TIAM1: variants seen among roughly 807,000 people sequenced by gnomAD.
TIAM1 encodes TIAM Rac1 associated GEF 1, also known as rho guanine nucleotide exchange factor TIAM1.
In TIAM1, 65 loss-of-function variants were observed where a neutral mutation model predicts 163.5. The observed-to-expected ratio is 0.40, with a 90% CI of 0.33 to 0.49. The LOEUF is 0.49. Among genes scored for constraint, TIAM1 ranks in the 20% least tolerant of loss-of-function variants. The probability of loss-of-function intolerance (pLI) is 0.77; values close to 1 mark genes in which losing one functional copy is unlikely to be tolerated. For missense variants in TIAM1, 1,789 were observed against 2,044.7 expected (o/e 0.87, Z 2.41); for synonymous variants, 833 against 810.1 (o/e 1.03, Z -0.48).
Position 31,153,149 on chromosome 21 carries a change from G to A in TIAM1, c.3172-15C>T. 4 of 1,596,944 alleles carry A rather than the reference G, an allele frequency of 2.5e-6. No homozygotes were observed. The highest frequency in any genetic ancestry group is 2.3e-5 in the South Asian group (2 of 88,160). On this transcript the variant is annotated splice_polypyrimidine_tract_variant and intron_variant, in intron 17 of 27. Transcript: ENST00000541036. ...CAGTTTAAATCCTAAGAATTGAAAA[G>A]AGAACTCATTAGCTTATGTGTTTTA... is the stretch of plus-strand genomic sequence containing the variant.
chr21:31,473,688 G>A (rs2045837455), intron 1 of TIAM1, among the ~76,000 whole-genome samples: 1 of 152,026 alleles, frequency 6.6e-6, no homozygotes, highest in Non-Finnish European at 1.5e-5. Flanking sequence ...AAAGTAGCAG[G>A]AAAGGGGTCC....
chr21:31,313,677 C>T (rs372049459), intron 2 of TIAM1, among the ~76,000 whole-genome samples: 2 of 152,144 alleles, frequency 1.3e-5, no homozygotes, highest in Admixed American at 6.6e-5. Context: ...CAGGTTCAAC[C>T]GATTCTCCTG....
At chr21:31,512,558 C>T (rs563385995) in intron 1 of TIAM1, among the ~76,000 whole-genome samples, 241 of 151,830 alleles carry the variant, frequency 1.6e-3, no homozygotes, top group African/African-American at 5.5e-3. Flanking sequence ...GGAAAACTCC[C>T]GGGACCTTCT....
intron 7 of TIAM1, 59 bp downstream of exon 7, chr21:31,225,667 A>C (rs1279170742): frequency 1.0e-5 from 15 of 1,458,196 alleles, no homozygotes; most frequent in African/African-American, 1.4e-5. Flanking sequence ...AAAAAAAAAA[A>C]AAAACCCTTT....
chr21:31,118,501 A>C lies in TIAM1; in HGVS notation c.*1867T>G, dbSNP rs966254739. On this transcript the variant is annotated 3_prime_UTR_variant, in exon 28 of 28. Coordinates refer to ENST00000541036, the MANE Select transcript of TIAM1 (RefSeq NM_001353694.2). ...AAAACATAAAAATAGACCTTCTTTC[A>C]GCTTATAAAAGAAATATATAAGAAC... The C allele has an allele frequency of 6.7e-6, 3 of 448,418 alleles. No homozygotes were observed. Among genetic ancestry groups the C allele is most frequent in the African/African-American group, 6.2e-5 (3 of 48,414 alleles). 27.8% of individuals were successfully genotyped at this position (448,418 alleles called of 1,614,324 possible). A position where few individuals can be genotyped will look rare whatever the true frequency, so the allele number is the denominator to read the frequency against.
intron 2 of TIAM1, among the ~76,000 whole-genome samples, chr21:31,442,089 A>ATATATATATATATATATATATATAT (rs1555982237): frequency 6.4e-4 from 79 of 123,790 alleles, no homozygotes; most frequent in African/African-American, 1.0e-3. Context: ...ATATATATAG[A>ATATATATATATATATATATATATAT]ACAATAAGGG....
At chr21:31,419,815 T>A (rs2043501001) in intron 2 of TIAM1, among the ~76,000 whole-genome samples, 1 of 151,678 alleles carries the variant, frequency 6.6e-6, no homozygotes, top group African/African-American at 2.4e-5. Context: ...CTTTGGGAGG[T>A]CAAGGCGGGT....
intron 5 of TIAM1, among the ~76,000 whole-genome samples, chr21:31,250,928 C>G (rs2071769047): frequency 6.6e-6 from 1 of 152,190 alleles, no homozygotes; most frequent in African/African-American, 2.4e-5. Flanking sequence ...ATGTCTGTAT[C>G]TATATATACA....
At position 31,120,756 on chromosome 21, in the gene TIAM1, G is replaced by C. The variant is rs2081972065; in HGVS notation, c.4388C>G (p.Ser1463Cys). Reference sequence around the variant, plus strand: ...GGACTCTTTCTCCGGGCTGCTTGCGGAGACGGCATCAGAATCAATGGTAAA... The same window carrying C: ...GGACTCTTTCTCCGGGCTGCTTGCGCAGACGGCATCAGAATCAATGGTAAA... ...NRFTIDSDAV[S>C]ASSPEKESQQ... Residue 1463 changes from serine (S) to cysteine (C), a missense_variant, in exon 28 of 28, where the codon TCC (serine) becomes TGC (cysteine). Around this residue, in one of 5 missense-constraint regions of TIAM1, gnomAD observed 415 missense variants for 439.2 expected, o/e 0.94. Transcript: ENST00000541036. This position sits in a 1 kb window ranked among gnomAD's most constrained non-coding sequence, Gnocchi z 4.2. The C allele has an allele frequency of 1.2e-6, 2 of 1,613,922 alleles. No individual in the cohort carries two copies. The highest frequency in any genetic ancestry group is 1.7e-6 in the Non-Finnish European group (2 of 1,180,048).
chr21:31,355,182 A>G (rs1405844285), intron 2 of TIAM1, among the ~76,000 whole-genome samples: 2 of 152,136 alleles, frequency 1.3e-5, no homozygotes, highest in African/African-American at 4.8e-5. Flanking sequence ...CCAAAAAAAA[A>G]AAAAAAAGGT....
At chr21:31,189,431 T>C (rs899411870) in intron 13 of TIAM1, among the ~76,000 whole-genome samples, 1 of 152,098 alleles carries the variant, frequency 6.6e-6, no homozygotes, top group African/African-American at 2.4e-5. Context: ...AGGACTGCAA[T>C]TGATTATGTA....
At chr21:31,237,029 C>T (rs1293313451) in intron 6 of TIAM1, among the ~76,000 whole-genome samples, 1 of 152,196 alleles carries the variant, frequency 6.6e-6, no homozygotes, top group Non-Finnish European at 1.5e-5. Flanking sequence ...TGGCAAGACT[C>T]ACCAGAAAGA....
chr21:31,243,663 C>A (rs115298778), intron 6 of TIAM1, among the ~76,000 whole-genome samples: 1 of 152,016 alleles, frequency 6.6e-6, no homozygotes, highest in African/African-American at 2.4e-5. Context: ...ATCTGAAAGA[C>A]AATAAATTCC....
In TIAM1 at chr21:31,181,756, CTTTTTTTTTTTTTTTTTTTTTTTTTT is replaced by C. The variant is rs781153297; in HGVS notation, c.2887+639_2887+664del. 4.7e-3 allele frequency among the ~76,000 whole-genome samples: 196 copies of C among 41,344 alleles called. 12 individuals are homozygous for C. The highest frequency in any genetic ancestry group is 0.021 in the East Asian group (41 of 1,970). The allele number at this position is 41,344 out of a possible 152,430, so 27.1% of individuals were successfully genotyped here. Reference sequence around the variant, plus strand: ...CCCAGCACTTCTTCTTCTTCTTCTTCTTTTTTTTTTTTTTTTTTTTTTTTTTTTTTTTTTTTTTTTTTTTTTTTTAC... The same window carrying C: ...CCCAGCACTTCTTCTTCTTCTTCTTCTTTTTTTTTTTTTTTTTTTTTTTAC... On this transcript the variant is annotated intron_variant, in intron 15 of 27. Transcript: ENST00000541036.
At chr21:31,217,743 G>T in intron 8 of TIAM1, 44 bp from the exon 9 acceptor site, 1 of 1,597,672 alleles carries the variant, frequency 6.3e-7, no homozygotes, top group Non-Finnish European at 8.5e-7. Context: ...GATGCATCAG[G>T]ACCACCCACT....
chr21:31,353,931 T>C (rs2076276512), intron 2 of TIAM1, among the ~76,000 whole-genome samples: 1 of 140,072 alleles, frequency 7.1e-6, no homozygotes, highest in Non-Finnish European at 1.5e-5. Context: ...CTCTGCCTCC[T>C]GGGTTCAAGC....
chr21:31,361,906 G>A (rs954437332), intron 2 of TIAM1, among the ~76,000 whole-genome samples: 2 of 151,978 alleles, frequency 1.3e-5, no homozygotes, highest in Middle Eastern at 3.4e-3. Context: ...CATTTGGTAT[G>A]TATACATATA....
At chr21:31,348,771 G>A (rs563286545), upstream of TIAM1, among the ~76,000 whole-genome samples, 234 of 152,284 alleles carry the variant, frequency 1.5e-3, no homozygotes, top group Non-Finnish European at 2.1e-3. Context: ...TATTCTCTGA[G>A]AGACAAACAA....
At chr21:31,142,671 GA>G (rs1184339051) in intron 20 of TIAM1, among the ~76,000 whole-genome samples, 11 of 150,250 alleles carry the variant, frequency 7.3e-5, no homozygotes, top group African/African-American at 2.2e-4. Flanking sequence ...AAAAGAAAAA[GA>G]AAAAAAAGGC....
Sources: allele counts gnomAD v4.1 joint callset (sites outside exome capture counted in the v4.1 genomes callset), GRCh38; gene constraint gnomAD v4.1.1; regional missense constraint gnomAD v4.1.1; non-coding constraint Gnocchi (gnomAD v3.1); transcripts MANE v1.5; gene names NCBI Gene and HGNC (gene_info 2026-07-23, HGNC 2026-07-21).